The following KCNJ6 variants were observed in gnomAD, a reference collection of about 807,000 sequenced individuals.
KCNJ6 encodes the protein G protein-activated inward rectifier potassium channel 2.
In KCNJ6, 9 loss-of-function variants were observed where a neutral mutation model predicts 34.2. The ratio of observed to expected loss-of-function variants is 0.26; its 90% confidence interval spans 0.16 to 0.46. KCNJ6 has a LOEUF of 0.46. KCNJ6 is among the 20% of genes least tolerant of loss of function. The pLI is 1.00. For missense variants in KCNJ6, 236 were observed against 531.3 expected (o/e 0.44, Z 5.46); for synonymous variants, 196 against 207.1 (o/e 0.95, Z 0.46).
At chr21:37,914,224 G>A (rs1690977426) in intron 1 of KCNJ6, among the ~76,000 whole-genome samples, 1 of 152,048 alleles carries the variant, frequency 6.6e-6, no homozygotes, top group African/African-American at 2.4e-5. Context: ...TAATTCCGTG[G>A]GTAATTTGAT....
chr21:37,696,046 T>G (rs1231410428), intron 3 of KCNJ6, among the ~76,000 whole-genome samples: 1 of 152,222 alleles, frequency 6.6e-6, no homozygotes, highest in Admixed American at 6.5e-5. Flanking sequence ...CATACTGATA[T>G]AGATAGATCA....
Position 37,610,774 on chromosome 21 carries a change from G to A in KCNJ6, c.*14385C>T, listed in dbSNP as rs1258977951. 2 of 151,864 alleles carry A rather than the reference G, an allele frequency of 1.3e-5. No homozygotes were observed. The highest frequency in any genetic ancestry group is 2.9e-5 in the Non-Finnish European group (2 of 67,970). 9.4% of individuals were successfully genotyped at this position (151,864 alleles called of 1,614,324 possible). On this transcript the variant is annotated 3_prime_UTR_variant, in exon 4 of 4. Transcript: ENST00000609713. The stretch of plus-strand genomic sequence containing the variant: ...TCAAAGAAGAAATCTCAAGATAAGT[G>A]AAAAAATATTTTGAAATAAATGAAA...
chr21:37,779,718 C>A (rs1217734283), intron 2 of KCNJ6, among the ~76,000 whole-genome samples: 1 of 152,170 alleles, frequency 6.6e-6, no homozygotes, highest in Non-Finnish European at 1.5e-5. Context: ...TCTAAAAGCA[C>A]ATGTGCTAGT....
At chr21:37,754,114 C>T in intron 2 of KCNJ6, among the ~76,000 whole-genome samples, 1 of 152,200 alleles carries the variant, frequency 6.6e-6, no homozygotes, top group Non-Finnish European at 1.5e-5. Context: ...ATGCCACCTG[C>T]CAGCTCATTC....
At chr21:37,724,502 A>G (rs908746252) in intron 2 of KCNJ6, among the ~76,000 whole-genome samples, 9 of 152,154 alleles carry the variant, frequency 5.9e-5, no homozygotes, top group African/African-American at 2.2e-4. Context: ...ATGGGAGTGA[A>G]GAGATGGCAG....
intron 1 of KCNJ6, among the ~76,000 whole-genome samples, chr21:37,853,835 C>CATAT (rs1555850305): frequency 7.6e-4 from 33 of 43,236 alleles, no homozygotes; most frequent in African/African-American, 5.5e-3. Context: ...TTAAGAGATA[C>CATAT]ATATATATAT....
At chr21:37,738,058 G>T (rs1403975253) in intron 2 of KCNJ6, among the ~76,000 whole-genome samples, 1 of 152,142 alleles carries the variant, frequency 6.6e-6, no homozygotes, top group African/African-American at 2.4e-5. Flanking sequence ...GGCTGTATTT[G>T]TTTAATGCTC....
At chr21:37,883,937 C>T (rs890166740) in intron 1 of KCNJ6, among the ~76,000 whole-genome samples, 4 of 152,130 alleles carry the variant, frequency 2.6e-5, no homozygotes, top group Admixed American at 2.6e-4. Flanking sequence ...AAGGAAGCTG[C>T]CTGTTTGCCA....
At chr21:37,798,378 G>C (rs1281986457) in intron 2 of KCNJ6, among the ~76,000 whole-genome samples, 1 of 152,170 alleles carries the variant, frequency 6.6e-6, no homozygotes, top group Admixed American at 6.5e-5. Flanking sequence ...CTCACTCCTA[G>C]TATTTCCTTA....
intron 1 of KCNJ6, among the ~76,000 whole-genome samples, chr21:37,907,342 A>AT (rs542837018): frequency 4.6e-4 from 69 of 150,954 alleles, no homozygotes; most frequent in East Asian, 1.6e-3. Context: ...AATGTGATTC[A>AT]TTTTTTTTAT....
chr21:37,653,102 C>T (rs954932668), intron 3 of KCNJ6, among the ~76,000 whole-genome samples: 5 of 152,116 alleles, frequency 3.3e-5, no homozygotes, highest in African/African-American at 9.7e-5. Flanking sequence ...AAGTGCAGCT[C>T]ACAGAAGGTC....
chr21:37,664,923 G>A (rs2123401806), intron 3 of KCNJ6, among the ~76,000 whole-genome samples: 1 of 150,388 alleles, frequency 6.6e-6, no homozygotes, highest in East Asian at 2.0e-4. Context: ...AGCCTCCCGA[G>A]TAACTGGAAC....
chr21:37,840,299 C>A (rs1385019642), intron 2 of KCNJ6, among the ~76,000 whole-genome samples: 1 of 152,210 alleles, frequency 6.6e-6, no homozygotes, highest in Non-Finnish European at 1.5e-5. Context: ...GATCATCCAG[C>A]CCGTGGAATA....
Position 37,613,776 on chromosome 21 carries a change from T to C in KCNJ6, c.*11383A>G, listed in dbSNP as rs1424642724. ...AGGGGTTGGGAGGACACAAGATGAA[T>C]TGGGAGAGCACAGAGGATTTTTAGG... On this transcript the variant is annotated 3_prime_UTR_variant, in exon 4 of 4. Transcript: ENST00000609713. 6.6e-6 allele frequency: 1 copy of C among 152,186 alleles called. No homozygotes were observed. Among genetic ancestry groups the C allele is most frequent in the Non-Finnish European group, 1.5e-5 (1 of 68,048 alleles). The allele number at this position is 152,186 out of a possible 1,614,324, so 9.4% of individuals were successfully genotyped here.
At position 37,893,466 on chromosome 21, in the gene KCNJ6, A is replaced by C. The variant is rs185489193; in HGVS notation, c.-28+22418T>G. Among the ~76,000 whole-genome samples, 4 of 152,254 alleles carry C rather than the reference A, an allele frequency of 2.6e-5. No individual in the cohort carries two copies. In the East Asian group the frequency reaches 7.7e-4, roughly 29 times the overall value. ...TGTGATCCACCTGCCTTGGCCTCCC[A>C]AAGTGCTGGGATTACAGGTGTGAGC... On this transcript the variant is annotated intron_variant, in intron 1 of 3. Transcript: ENST00000609713.
At chr21:37,824,097 G>T (rs4817894) in intron 2 of KCNJ6, among the ~76,000 whole-genome samples, 84,708 of 151,992 alleles carry the variant, frequency 0.56, 24,460 homozygotes, top group South Asian at 0.74. Context: ...CTCCATGGAG[G>T]TGGGGGGAAA....
chr21:37,786,793 G>C (rs1043445757), intron 2 of KCNJ6, among the ~76,000 whole-genome samples: 4 of 152,088 alleles, frequency 2.6e-5, no homozygotes, highest in African/African-American at 9.7e-5. Flanking sequence ...TTTTAAAATG[G>C]GGCCGTTGTG....
Position 37,622,914 on chromosome 21 carries a change from C to T in KCNJ6, c.*2245G>A, listed in dbSNP as rs1304714743. Reference sequence around the variant, plus strand: ...TTGTTTTGTGCCTGCCATGGCCTGCCCTGCGACCCTGGCAAGGTTGCAGGG... The same window carrying T: ...TTGTTTTGTGCCTGCCATGGCCTGCTCTGCGACCCTGGCAAGGTTGCAGGG... On this transcript the variant is annotated 3_prime_UTR_variant, in exon 4 of 4. Transcript: ENST00000609713. 1.3e-5 allele frequency: 2 copies of T among 152,208 alleles called. No homozygotes were observed. Among genetic ancestry groups the T allele is most frequent in the African/African-American group, 4.8e-5 (2 of 41,450 alleles). The allele number at this position is 152,208 out of a possible 1,614,324, so 9.4% of individuals were successfully genotyped here. A position where few individuals can be genotyped will look rare whatever the true frequency, so the allele number is the denominator to read the frequency against.
rs1324498636 is a variant in KCNJ6, at chr21:37,614,494, G to GTGTGTGTGTATGCATGTGTCTGTGTGCC, written c.*10664_*10665insGGCACACAGACACATGCATACACACACA. 16 of 138,558 alleles carry GTGTGTGTGTATGCATGTGTCTGTGTGCC rather than the reference G, an allele frequency of 1.2e-4. No homozygotes were observed. Among genetic ancestry groups the GTGTGTGTGTATGCATGTGTCTGTGTGCC allele is most frequent in the African/African-American group, 4.1e-4 (15 of 36,940 alleles). 8.6% of individuals were successfully genotyped at this position (138,558 alleles called of 1,614,324 possible). ...TGTGTGTATGCATGTGTCTGTGTGC[G>GTGTGTGTGTATGCATGTGTCTGTGTGCC]TGTATGCATGTGTCTCTGTATGCAT... On this transcript the variant is annotated 3_prime_UTR_variant, in exon 4 of 4. Transcript: ENST00000609713.
Sources: gnomAD v4.1 joint callset for allele counts (sites outside exome capture counted in the v4.1 genomes callset) on GRCh38, gnomAD v4.1.1 for gene constraint, MANE v1.5 for transcripts, NCBI Gene and HGNC (gene_info 2026-07-23, HGNC 2026-07-21) for gene names.